The following HAO2 variants were observed in gnomAD, a reference collection of about 807,000 sequenced individuals.
HAO2 encodes the protein 2-Hydroxyacid oxidase 2.
A neutral mutation model predicts 37.4 loss-of-function variants in HAO2; 42 were observed. The ratio of observed to expected loss-of-function variants is 1.12; its 90% CI spans 0.88 to 1.45. The LOEUF is 1.45. Ranked by LOEUF, HAO2 falls within the 40% of genes most tolerant of loss-of-function variation. The pLI, the probability that HAO2 is intolerant of heterozygous loss-of-function variation, is 0.00. For missense variants in HAO2, 476 were observed against 430.2 expected (o/e 1.11, Z -0.94); for synonymous variants, 180 against 162.8 (o/e 1.11, Z -0.81).
At chr1:119,388,676 G>T (rs774150902) in intron 5 of HAO2, among the ~76,000 whole-genome samples, 1 of 151,994 alleles carries the variant, frequency 6.6e-6, no homozygotes, top group Non-Finnish European at 1.5e-5. Flanking sequence ...CCTAGCCCCA[G>T]GTCTATTTAT....
chr1:119,384,785 C>A lies in HAO2; in HGVS notation c.293C>A (p.Ala98Glu), dbSNP rs142375074. The A allele has an allele frequency of 2.8e-5, 45 of 1,613,716 alleles. No homozygotes were observed. In the African/African-American group the frequency reaches 4.4e-4, roughly 16 times the overall value. ...GTCCTTTGCTTTACAGCTGCCCAAG[C>A]GGCTGGTATCTGCTACATCACCAGC... The part of the protein sequence containing the change: ...GEMSTARAAQ[A>E]AGICYITSTF... The change falls in exon 4 of 8, where the codon GCG (alanine) becomes GAG (glutamate). Residue 98 changes from alanine (A) to glutamate (E), a missense_variant. By Grantham distance (107) the Ala-to-Glu change is moderately radical (BLOSUM62 -1). Transcript: ENST00000325945.
intron 7 of HAO2, among the ~76,000 whole-genome samples, chr1:119,392,954 T>C (rs587628729): frequency 5.3e-5 from 8 of 152,286 alleles, no homozygotes; most frequent in Non-Finnish European, 1.2e-4. Flanking sequence ...TTACGGACTA[T>C]TGACATATCC....
intron 4 of HAO2, chr1:119,385,699 T>C (rs587752895): frequency 1.0e-6 from 1 of 985,180 alleles, no homozygotes; most frequent in Non-Finnish European, 1.2e-6. Context: ...ACAGCCATGA[T>C]AAAGTGGGAA....
At chr1:119,388,506 C>T (rs879751803) in intron 5 of HAO2, among the ~76,000 whole-genome samples, 4 of 152,142 alleles carry the variant, frequency 2.6e-5, no homozygotes, top group Non-Finnish European at 5.9e-5. Flanking sequence ...TCTTATTGTG[C>T]TAATCAACTT....
At chr1:119,392,934 T>A (rs892650039) in intron 7 of HAO2, among the ~76,000 whole-genome samples, 1 of 152,154 alleles carries the variant, frequency 6.6e-6, no homozygotes, top group Non-Finnish European at 1.5e-5. Flanking sequence ...TTCTGTTGAA[T>A]TCGTTCAATT....
At chr1:119,381,817 G>T (rs1207266549) in intron 2 of HAO2, among the ~76,000 whole-genome samples, 4 of 152,128 alleles carry the variant, frequency 2.6e-5, no homozygotes, top group African/African-American at 7.2e-5. Flanking sequence ...GTCAAAAGAA[G>T]AATAATTTGT....
intron 4 of HAO2, chr1:119,385,618 TAGGTGACTACAA>T (rs1230048051): frequency 1.0e-6 from 1 of 985,128 alleles, no homozygotes; most frequent in Non-Finnish European, 1.2e-6. Context: ...ATCTCTGAAC[TAGGTGACTACAA>T]AGGGGACCTT....
At chr1:119,386,857 G>C (rs751160777) in intron 5 of HAO2, 26 bp downstream of exon 5, 1 of 1,442,594 alleles carries the variant, frequency 6.9e-7, no homozygotes, top group South Asian at 1.1e-5. Flanking sequence ...TCAGAGAAGG[G>C]TGTGTTTGTG....
At position 119,392,166 on chromosome 1, in the gene HAO2, G is replaced by A; in HGVS notation, c.828G>A (p.Leu276=). The change falls in exon 6 of 8, where the codon CTG becomes CTA. Residue 276 remains leucine, a synonymous_variant. Coordinates refer to ENST00000325945, the MANE Select transcript of HAO2 (RefSeq NM_016527.4). ...TAAAGGGGAAAATTGAAGTCTACCT[G>A]GATGGCGGGGTCCGAACTGGCAATG... ...AAVKGKIEVY[L]DGGVRTGNDV... 6.2e-7 allele frequency: 1 copy of A among 1,613,308 alleles called. No individual in the cohort carries two copies. Among genetic ancestry groups the A allele is most frequent in the South Asian group, 1.1e-5 (1 of 91,002 alleles).
chr1:119,373,872 C>T (rs978584683), intron 1 of HAO2, among the ~76,000 whole-genome samples: 6 of 151,998 alleles, frequency 3.9e-5, no homozygotes, highest in Non-Finnish European at 7.4e-5. Flanking sequence ...TTATATAAAT[C>T]AGAATAAAAC....
At chr1:119,391,502 G>T (rs1380255970) in intron 5 of HAO2, among the ~76,000 whole-genome samples, 1 of 152,184 alleles carries the variant, frequency 6.6e-6, no homozygotes. Flanking sequence ...TTTTTATTTT[G>T]TCTGTCAAAG....
intron 6 of HAO2, 104 bp downstream of exon 6, chr1:119,392,372 C>A: frequency 9.8e-7 from 1 of 1,024,480 alleles, no homozygotes. Context: ...CAAAATGATT[C>A]CTAAAGGATA....
intron 1 of HAO2, 107 bp from the exon 2 acceptor site, chr1:119,380,971 C>G: frequency 2.1e-6 from 2 of 935,810 alleles, no homozygotes; most frequent in Non-Finnish European, 3.4e-6. Context: ...ACAGGGAGAC[C>G]AATGTTGAAT....
At chr1:119,377,582 T>G (rs924402841) in intron 1 of HAO2, among the ~76,000 whole-genome samples, 16 of 152,218 alleles carry the variant, frequency 1.1e-4, no homozygotes, top group Non-Finnish European at 1.9e-4. Flanking sequence ...ATTTACTGTA[T>G]TAGTCCATTT....
At chr1:119,382,261 G>A (rs1557848410) in intron 2 of HAO2, among the ~76,000 whole-genome samples, 1 of 152,140 alleles carries the variant, frequency 6.6e-6, no homozygotes. Context: ...ATTTTTCTAA[G>A]TTTATGTGCA....
At chr1:119,383,448 C>T (rs1354749195) in intron 3 of HAO2, among the ~76,000 whole-genome samples, 1 of 152,188 alleles carries the variant, frequency 6.6e-6, no homozygotes, top group Non-Finnish European at 1.5e-5. Flanking sequence ...GGCTGAATGG[C>T]AGACTCTGAA....
chr1:119,390,792 T>C (rs2101278288), intron 5 of HAO2, among the ~76,000 whole-genome samples: 1 of 152,290 alleles, frequency 6.6e-6, no homozygotes, highest in South Asian at 2.1e-4. Context: ...CAATGTTAGA[T>C]ATGAAACCTC....
rs1650261349 is a variant in HAO2, at chr1:119,384,938, G to C, written c.446G>C (p.Gly149Ala). ...KQLIQRVESL[G>A]FKALVITLDT... ...TTGATCCAGAGGGTAGAATCCCTAG[G>C]TTTCAAAGCTTTGGTAATAACTTTG... The change falls in exon 4 of 8, where the codon GGT (glycine) becomes GCT (alanine). Residue 149 changes from glycine (G) to alanine (A), a missense_variant. By Grantham distance (60) the Gly-to-Ala change is moderately conservative. Coordinates refer to ENST00000325945, the MANE Select transcript of HAO2 (RefSeq NM_016527.4). 1 of 1,613,826 alleles carries C rather than the reference G, an allele frequency of 6.2e-7. No individual in the cohort carries two copies. The highest frequency in any genetic ancestry group is 1.7e-5 in the Admixed American group (1 of 59,996).
chr1:119,393,444 G>T (rs899381135), intron 7 of HAO2, among the ~76,000 whole-genome samples: 1 of 152,028 alleles, frequency 6.6e-6, no homozygotes, highest in African/African-American at 2.4e-5. Flanking sequence ...TATTCCTCCC[G>T]AAAAGATACT....
Sources: gnomAD v4.1 joint callset for allele counts (sites outside exome capture counted in the v4.1 genomes callset) on GRCh38, gnomAD v4.1.1 for gene constraint, MANE v1.5 for transcripts, NCBI Gene and HGNC (gene_info 2026-07-23, HGNC 2026-07-21) for gene names.